UPP2: variants seen among roughly 807,000 people sequenced by gnomAD.
UPP2 encodes the protein UPase 2.
In UPP2, 23 loss-of-function variants were observed where a neutral mutation model predicts 26.7. The ratio of observed to expected loss-of-function variants is 0.86; its 90% CI spans 0.62 to 1.22. UPP2 has a LOEUF of 1.22. Ranked by LOEUF, UPP2 falls within the 50% of genes most tolerant of loss-of-function variation. UPP2 has a pLI of 0.00. For synonymous variants in UPP2, 127 were observed against 141.3 expected (o/e 0.90, Z 0.72); for missense variants, 387 against 396.7 (o/e 0.98, Z 0.21).
chr2:158,120,838 T>C (rs1447035024), intron 4 of UPP2, among the ~76,000 whole-genome samples: 1 of 151,958 alleles, frequency 6.6e-6, no homozygotes, highest in Non-Finnish European at 1.5e-5. Flanking sequence ...GGAGATGGCA[T>C]GGCAGGCAGG....
intron 3 of UPP2, among the ~76,000 whole-genome samples, chr2:158,078,202 A>G (rs562533199): frequency 6.6e-6 from 1 of 152,278 alleles, no homozygotes; most frequent in Non-Finnish European, 1.5e-5. Context: ...AAGTAGTACG[A>G]CCACTATGGA....
At chr2:157,998,164 CTCAATGGTAGTCTACAT>C (rs1683350968) in intron 2 of UPP2, among the ~76,000 whole-genome samples, 1 of 151,992 alleles carries the variant, frequency 6.6e-6, no homozygotes, top group Non-Finnish European at 1.5e-5. Context: ...AAAACTTGGA[CTCAATGGTAGTCTACAT>C]TTAATGGGGA....
intron 3 of UPP2, among the ~76,000 whole-genome samples, chr2:158,083,803 TACATATATATATATACACGTATATATAG>T (rs897823034): frequency 4.7e-5 from 7 of 149,448 alleles, no homozygotes; most frequent in African/African-American, 1.2e-4. Context: ...TATATATATA[TACATATATATATATACACGTATATATAG>T]ACATATGTTT....
intron 3 of UPP2, among the ~76,000 whole-genome samples, chr2:158,093,307 A>ACACACAC (rs1682939228): frequency 8.0e-6 from 1 of 125,774 alleles, no homozygotes; most frequent in African/African-American, 3.5e-5. Context: ...CACACACACA[A>ACACACAC]TTAGAAAAAA....
chr2:158,065,889 GC>G, intron 3 of UPP2: 1 of 620,870 alleles, frequency 1.6e-6, no homozygotes, highest in Admixed American at 2.2e-5. Flanking sequence ...AGTACTTGTT[GC>G]CCTAGCATTA....
upstream of UPP2, among the ~76,000 whole-genome samples, chr2:158,098,235 G>T (rs1160245075): frequency 6.6e-6 from 1 of 152,146 alleles, no homozygotes; most frequent in Non-Finnish European, 1.5e-5. Context: ...GCAGGCCAAG[G>T]TCTGCGGTGA....
At position 158,043,506 on chromosome 2, in the gene UPP2, A is replaced by G. The variant is rs538098815; in HGVS notation, c.147+27620A>G. Among the ~76,000 whole-genome samples the G allele has an allele frequency of 3.3e-5, 5 of 152,290 alleles. No individual in the cohort carries two copies. In the South Asian group the frequency reaches 1.0e-3, roughly 32 times the overall value. On this transcript the variant is annotated intron_variant, in intron 3 of 9. Transcript: ENST00000605860. ...CAGCACCTTAGCCATCCAGGGGCTC[A>G]CAGAGTATGCATGGGAGGAAAGAGA...
intron 4 of UPP2, among the ~76,000 whole-genome samples, chr2:158,120,790 A>C (rs1198068874): frequency 6.6e-6 from 1 of 152,014 alleles, no homozygotes; most frequent in Non-Finnish European, 1.5e-5. Flanking sequence ...TGACACCTGA[A>C]GAGTGACTTG....
At chr2:158,080,139 T>C (rs1205405820) in intron 3 of UPP2, among the ~76,000 whole-genome samples, 5 of 152,198 alleles carry the variant, frequency 3.3e-5, no homozygotes, top group Admixed American at 2.6e-4. Context: ...TATTCATAAA[T>C]TTTTATTTAA....
intron 3 of UPP2, chr2:158,015,931 GGTA>G: frequency 4.9e-6 from 2 of 408,154 alleles, no homozygotes; most frequent in South Asian, 3.7e-5. Flanking sequence ...CCCAGTCTCA[GGTA>G]GTTCTTTATA....
intron 2 of UPP2, among the ~76,000 whole-genome samples, chr2:158,003,733 G>A (rs1317212137): frequency 3.4e-5 from 5 of 149,002 alleles, no homozygotes; most frequent in Non-Finnish European, 7.5e-5. Context: ...AAAAAAAAGA[G>A]AGAAAACTAC....
rs541363686 is a variant in UPP2 at position 158,013,014 on chromosome 2, T to TA, written c.62-2787_62-2786insA. 2.3e-3 allele frequency among the ~76,000 whole-genome samples: 321 copies of TA among 141,084 alleles called. 2 individuals carry two copies. Among genetic ancestry groups the TA allele is most frequent in the African/African-American group, 9.5e-3 (312 of 32,976 alleles). 92.6% of individuals were successfully genotyped at this position (141,084 alleles called of 152,430 possible). A position where few individuals can be genotyped will look rare whatever the true frequency, so the allele number is the denominator to read the frequency against. On this transcript the variant is annotated intron_variant, in intron 2 of 9. Transcript: ENST00000605860. ...GAATTTAAGCTATTGTTATTATTAT[T>TA]TTTTTTTTTGAAATAGATTCTTGCT...
At chr2:158,134,073 T>G (rs1189156998) in intron 6 of UPP2, 1 of 151,926 alleles carries the variant, frequency 6.6e-6, no homozygotes, top group African/African-American at 2.4e-5. Flanking sequence ...AAGACTTTTG[T>G]TTTTTTTCCT....
intron 3 of UPP2, among the ~76,000 whole-genome samples, chr2:158,095,227 T>C (rs1379392498): frequency 6.6e-6 from 1 of 152,190 alleles, no homozygotes; most frequent in Non-Finnish European, 1.5e-5. Context: ...AATTTAAAAT[T>C]TGGCAATGAG....
At chr2:158,113,492 G>A (rs957951032) in intron 2 of UPP2, among the ~76,000 whole-genome samples, 5 of 152,132 alleles carry the variant, frequency 3.3e-5, no homozygotes, top group African/African-American at 1.2e-4. Flanking sequence ...CTAGCTTAAG[G>A]CTTCATCAGA....
In UPP2 at chr2:158,058,166, G is replaced by A. The variant is rs185577922; in HGVS notation, c.147+42280G>A. 3.3e-4 allele frequency among the ~76,000 whole-genome samples: 50 copies of A among 152,022 alleles called. 1 individual carries two copies. In the East Asian group the frequency reaches 6.0e-3, roughly 18 times the overall value. ...AAATTAGCTGGGTATTGTGGCGTGC[G>A]CCTGTAGTCCCAGCTACTCAGTAGG... is the stretch of plus-strand genomic sequence containing the variant. On this transcript the variant is annotated intron_variant, in intron 3 of 9. Coordinates refer to the UPP2 transcript ENST00000605860.
At chr2:158,010,736 T>G (rs73968533) in intron 2 of UPP2, among the ~76,000 whole-genome samples, 15,944 of 151,412 alleles carry the variant, frequency 0.11, 1,074 homozygotes, top group East Asian at 0.2. Context: ...TTCCCTCCAA[T>G]GAGAGCATCA....
At chr2:158,125,411 T>C (rs140612652) in intron 6 of UPP2, among the ~76,000 whole-genome samples, 160 of 147,562 alleles carry the variant, frequency 1.1e-3, no homozygotes, top group African/African-American at 4.1e-3. Flanking sequence ...CGCAATGCAT[T>C]TTTGTACTCT....
At chr2:158,006,231 G>A (rs188020494) in intron 2 of UPP2, among the ~76,000 whole-genome samples, 58 of 152,250 alleles carry the variant, frequency 3.8e-4, no homozygotes, top group African/African-American at 1.3e-3. Flanking sequence ...AGGACGAGGC[G>A]GGCAGATCAC....
Sources: gnomAD v4.1 joint callset for allele counts (sites outside exome capture counted in the v4.1 genomes callset) on GRCh38, gnomAD v4.1.1 for gene constraint, MANE v1.5 for transcripts, NCBI Gene and HGNC (gene_info 2026-07-23, HGNC 2026-07-21) for gene names.